Variants in SLC2A5 observed in about 807,000 individuals in gnomAD.
SLC2A5 encodes solute carrier family 2, facilitated glucose transporter member 5.
In SLC2A5, 56 loss-of-function variants were observed where a neutral mutation model predicts 50.3. The ratio of observed to expected loss-of-function variants is 1.11; its 90% confidence interval spans 0.90 to 1.39. The LOEUF is 1.39. Among genes scored for constraint, SLC2A5 ranks in the 40% most tolerant of loss-of-function variants. The pLI is 0.00. For synonymous variants in SLC2A5, 269 were observed against 281.9 expected (o/e 0.95, Z 0.46); for missense variants, 566 against 650.1 (o/e 0.87, Z 1.41).
At chr1:9,047,236 C>A (rs1373229598) in intron 4 of SLC2A5, among the ~76,000 whole-genome samples, 1 of 152,164 alleles carries the variant, frequency 6.6e-6, no homozygotes, top group African/African-American at 2.4e-5. Context: ...AGCTGGATTG[C>A]AGGTGTGAGC....
At chr1:9,055,278 G>A (rs1353288784) in intron 3 of SLC2A5, among the ~76,000 whole-genome samples, 1 of 152,120 alleles carries the variant, frequency 6.6e-6, no homozygotes, top group African/African-American at 2.4e-5. Flanking sequence ...AGCACTTTGG[G>A]AGGCCAAGGC....
At position 9,076,801 on chromosome 1, in the gene SLC2A5, T is replaced by G. The variant is rs527944953; in HGVS notation, c.-58-7207A>C. Among the ~76,000 whole-genome samples, 6 of 152,028 alleles carry G rather than the reference T, an allele frequency of 3.9e-5. No individual in the cohort carries two copies. In the East Asian group the frequency reaches 1.2e-3, roughly 29 times the overall value. On this transcript the variant is annotated intron_variant, in intron 2 of 5. Coordinates refer to the SLC2A5 transcript ENST00000464985. ...CAAGTGTGGTGTTTTTTTTGTTTTTTTTTTTGAGATGCAGTCTCACTCTTG... is the reference window on the plus strand; with the variant it reads ...CAAGTGTGGTGTTTTTTTTGTTTTTGTTTTTGAGATGCAGTCTCACTCTTG...
At chr1:9,060,318 C>T (rs1046975803) in intron 1 of SLC2A5, among the ~76,000 whole-genome samples, 2 of 127,472 alleles carry the variant, frequency 1.6e-5, no homozygotes, top group African/African-American at 6.1e-5. Flanking sequence ...CACATGTACA[C>T]ACACTACATA....
In SLC2A5 at chr1:9,039,535, G is replaced by T; in HGVS notation, c.996+17C>A. ...GGGCCTTGGGTGGAGGCTGTGGGCA[G>T]CTCCCAGGACACTCACGGCGCAGAA... On this transcript the variant is annotated intron_variant, in intron 8 of 11. Transcript: ENST00000377424. The T allele has an allele frequency of 2.0e-6, 3 of 1,538,012 alleles. No individual in the cohort carries two copies. The highest frequency in any genetic ancestry group is 2.6e-6 in the Non-Finnish European group (3 of 1,137,038).
chr1:9,046,291 G>A (rs1641432534), intron 4 of SLC2A5, among the ~76,000 whole-genome samples: 1 of 152,082 alleles, frequency 6.6e-6, no homozygotes, highest in African/African-American at 2.4e-5. Context: ...CCAACTCAGG[G>A]AAAGCCACTG....
chr1:9,056,112 C>T (rs946635087), intron 3 of SLC2A5, among the ~76,000 whole-genome samples: 5 of 152,130 alleles, frequency 3.3e-5, no homozygotes, highest in African/African-American at 1.2e-4. Context: ...TCCATGAGGG[C>T]CCACAGGGAA....
chr1:9,053,547 A>C (rs981183824), intron 3 of SLC2A5, among the ~76,000 whole-genome samples: 5 of 101,300 alleles, frequency 4.9e-5, no homozygotes, highest in African/African-American at 1.7e-4. Flanking sequence ...TATATATTAT[A>C]TATTTATATA....
At chr1:9,048,369 C>T (rs1046868468) in intron 3 of SLC2A5, among the ~76,000 whole-genome samples, 3 of 151,874 alleles carry the variant, frequency 2.0e-5, no homozygotes, top group African/African-American at 7.3e-5. Flanking sequence ...ACTAGCAGGG[C>T]CCACTGGTGG....
intron 9 of SLC2A5, 78 bp from the exon 10 acceptor site, chr1:9,038,584 GT>G: frequency 7.5e-7 from 1 of 1,341,382 alleles, no homozygotes; most frequent in Non-Finnish European, 1.1e-6. Context: ...ACCTGCCCTG[GT>G]GGGTGGAGGA....
upstream of SLC2A5, among the ~76,000 whole-genome samples, chr1:9,092,259 CACA>C (rs1238218353): frequency 2.6e-5 from 4 of 152,148 alleles, no homozygotes; most frequent in Non-Finnish European, 5.9e-5. Context: ...GAACACCAAA[CACA>C]ACAACTAACC....
chr1:9,066,065 A>AT (rs1642073196), intron 1 of SLC2A5, among the ~76,000 whole-genome samples: 2 of 152,226 alleles, frequency 1.3e-5, no homozygotes, highest in African/African-American at 4.8e-5. Flanking sequence ...TAATTAATCC[A>AT]TTAATTACAA....
chr1:9,057,997 C>T (rs1355034185), intron 2 of SLC2A5, among the ~76,000 whole-genome samples, 155 bp downstream of exon 2: 1 of 152,212 alleles, frequency 6.6e-6, no homozygotes, highest in Admixed American at 6.5e-5. Flanking sequence ...CCTGTGTCTG[C>T]GAGTTCCCTC....
At chr1:9,051,746 A>C (rs148606846) in intron 3 of SLC2A5, among the ~76,000 whole-genome samples, 2,374 of 152,326 alleles carry the variant, frequency 0.016, 32 homozygotes, top group South Asian at 0.065. Context: ...ACATATGCTT[A>C]TCTGTACTCA....
chr1:9,045,371 G>A (rs374382996), intron 4 of SLC2A5, among the ~76,000 whole-genome samples: 11 of 152,054 alleles, frequency 7.2e-5, no homozygotes, highest in African/African-American at 2.7e-4. Context: ...TGTGTAAAGG[G>A]GTCTGAGACC....
intron 9 of SLC2A5, 31 bp downstream of exon 9, chr1:9,038,796 TC>T (rs1165186571): frequency 6.5e-7 from 1 of 1,540,636 alleles, no homozygotes. Flanking sequence ...CTGGTGCAGC[TC>T]CGGGCTCCTG....
upstream of SLC2A5, among the ~76,000 whole-genome samples, chr1:9,092,936 C>A (rs538143045): frequency 2.6e-4 from 40 of 152,236 alleles, no homozygotes; most frequent in African/African-American, 7.9e-4. Flanking sequence ...TTGCCTTTAG[C>A]CCTTCCAAAA....
chr1:9,073,770 G>A (rs1174938062), upstream of SLC2A5, among the ~76,000 whole-genome samples: 1 of 152,234 alleles, frequency 6.6e-6, no homozygotes, highest in Non-Finnish European at 1.5e-5. Context: ...CTGTGAGTTA[G>A]TTAGTTCATT....
Position 9,040,031 on chromosome 1 carries a change from C to T in SLC2A5, c.697+33G>A, listed in dbSNP as rs769079052. The T allele has an allele frequency of 6.3e-7, 1 of 1,585,594 alleles. No homozygotes were observed. The highest frequency in any genetic ancestry group is 8.6e-7 in the Non-Finnish European group (1 of 1,162,554). On this transcript the variant is annotated intron_variant, in intron 6 of 11. Transcript: ENST00000377424. The surrounding 1 kb of genome is among the most constrained non-coding windows in gnomAD (Gnocchi z 4.3). ...GTCGGACCAGGGCTGGGGAGCAGAACCTGGAGGCCGCCCCCGCCAGAGCCC... is the reference window on the plus strand; with the variant it reads ...GTCGGACCAGGGCTGGGGAGCAGAATCTGGAGGCCGCCCCCGCCAGAGCCC...
At chr1:9,072,752 C>A (rs888053550), upstream of SLC2A5, among the ~76,000 whole-genome samples, 3 of 150,848 alleles carry the variant, frequency 2.0e-5, no homozygotes, top group African/African-American at 7.3e-5. Context: ...AAGTTCGAGA[C>A]CAGCCTGGCC....
Sources: allele counts gnomAD v4.1 joint callset (sites outside exome capture counted in the v4.1 genomes callset), GRCh38; gene constraint gnomAD v4.1.1; non-coding constraint Gnocchi (gnomAD v3.1); transcripts MANE v1.5; gene names NCBI Gene and HGNC (gene_info 2026-07-23, HGNC 2026-07-21).